The following FGFRL1 variants were observed in gnomAD, a reference collection of about 807,000 sequenced individuals.
FGFRL1 encodes fibroblast growth factor receptor like 1, also known as fibroblast growth factor receptor-like 1.
In FGFRL1, 24 loss-of-function variants were observed where a neutral mutation model predicts 36.8. The ratio of observed to expected loss-of-function variants is 0.65; its 90% CI spans 0.47 to 0.92. FGFRL1 has a LOEUF of 0.92. Among genes scored for constraint, FGFRL1 ranks in the 40% least tolerant of loss-of-function variants. The pLI is 0.00. For synonymous variants in FGFRL1, 422 were observed against 344.1 expected (o/e 1.23, Z -2.50); for missense variants, 785 against 753.4 (o/e 1.04, Z -0.49).
At chr4:1,012,961 C>T (rs981978421) in intron 2 of FGFRL1, among the ~76,000 whole-genome samples, 1 of 152,228 alleles carries the variant, frequency 6.6e-6, no homozygotes, top group Non-Finnish European at 1.5e-5. Context: ...CTGCAGAGAC[C>T]CCCACGGAAG....
chr4:1,025,603 A>C lies in FGFRL1; in HGVS notation c.*256A>C, dbSNP rs1184350750. On this transcript the variant is annotated 3_prime_UTR_variant, in exon 7 of 7. Transcript: ENST00000510644. Reference sequence around the variant, plus strand: ...CGTACGCACACACGCACATGCACAGATATGCCGCCTGGGCACACAGATAAG... The same window carrying C: ...CGTACGCACACACGCACATGCACAGCTATGCCGCCTGGGCACACAGATAAG... The C allele has an allele frequency of 1.1e-5, 6 of 554,866 alleles. No individual in the cohort carries two copies. The highest frequency in any genetic ancestry group is 1.9e-5 in the Non-Finnish European group (6 of 315,288). The allele number at this position is 554,866 out of a possible 1,614,324, so 34.4% of individuals were successfully genotyped here.
intron 2 of FGFRL1, among the ~76,000 whole-genome samples, chr4:1,014,571 A>T (rs189080790): frequency 6.6e-6 from 1 of 152,162 alleles, no homozygotes; most frequent in Non-Finnish European, 1.5e-5. Flanking sequence ...GGGGTGCCCC[A>T]TGCCTGGGGG....
At chr4:1,012,946 G>A (rs1577554582) in intron 2 of FGFRL1, among the ~76,000 whole-genome samples, 1 of 152,250 alleles carries the variant, frequency 6.6e-6, no homozygotes, top group East Asian at 1.9e-4. Context: ...AAGGACTCTG[G>A]GAACCTGCAG....
intron 2 of FGFRL1, among the ~76,000 whole-genome samples, chr4:1,017,692 A>G (rs886125428): frequency 1.3e-5 from 2 of 152,036 alleles, no homozygotes; most frequent in Non-Finnish European, 2.9e-5. Context: ...TCTTCTCCCA[A>G]CAGAGGGGTC....
At chr4:1,015,536 C>G (rs1017799503) in intron 2 of FGFRL1, among the ~76,000 whole-genome samples, 1 of 152,206 alleles carries the variant, frequency 6.6e-6, no homozygotes, top group African/African-American at 2.4e-5. Flanking sequence ...AGGTGGGTAC[C>G]AGTCCCCTTG....
intron 2 of FGFRL1, among the ~76,000 whole-genome samples, chr4:1,016,244 C>A (rs1301146851): frequency 1.3e-5 from 2 of 151,926 alleles, no homozygotes; most frequent in African/African-American, 4.8e-5. Flanking sequence ...CTTGTTGATG[C>A]TTCTGAAGTG....
chr4:1,013,734 T>C (rs573886408), intron 2 of FGFRL1, among the ~76,000 whole-genome samples: 6 of 152,270 alleles, frequency 3.9e-5, no homozygotes, highest in Non-Finnish European at 8.8e-5. Flanking sequence ...CCAGGGAGGC[T>C]CTGGAGGCCT....
intron 2 of FGFRL1, among the ~76,000 whole-genome samples, chr4:1,014,111 T>C (rs1317228748): frequency 6.6e-6 from 1 of 152,242 alleles, no homozygotes; most frequent in East Asian, 1.9e-4. Flanking sequence ...GCACCTTCGT[T>C]AGGCCAAGGA....
rs768753902 is a variant in FGFRL1, at chr4:1,025,378, G to A, written c.*31G>A. 65 of 1,515,462 alleles carry A rather than the reference G, an allele frequency of 4.3e-5. No individual in the cohort carries two copies. Among genetic ancestry groups the A allele is most frequent in the Middle Eastern group, 1.7e-4 (1 of 5,882 alleles). 93.9% of individuals were successfully genotyped at this position (1,515,462 alleles called of 1,614,324 possible). ...ACCGTATCTGCAGTGGGCACGGGGGGGCCGGCCAGACAGGCAGACTGGGAG... is the reference window on the plus strand; with the variant it reads ...ACCGTATCTGCAGTGGGCACGGGGGAGCCGGCCAGACAGGCAGACTGGGAG... On this transcript the variant is annotated 3_prime_UTR_variant, in exon 7 of 7. Transcript: ENST00000510644.
chr4:1,011,175 G>C (rs1715558483), upstream of FGFRL1: 1 of 152,222 alleles, frequency 6.6e-6, no homozygotes, highest in African/African-American at 2.4e-5. Context: ...CCAGAGAGCG[G>C]TCTGGGCCCG....
Position 1,024,405 on chromosome 4 carries a change from C to T in FGFRL1, c.813C>T (p.Arg271=). ...GGTTSFQCKV[R]SDVKPVIQWL... is the part of the protein sequence containing the mutation. ...CCACGTCCTTCCAGTGCAAGGTGCG[C>T]AGCGACGTGAAGCCGGTGATCCAGT... is the stretch of plus-strand genomic sequence containing the variant. Residue 271 remains arginine (R), a synonymous_variant, in exon 6 of 7, where the codon CGC becomes CGT. Coordinates refer to ENST00000510644, the MANE Select transcript of FGFRL1 (RefSeq NM_001004356.3). The T allele has an allele frequency of 6.2e-7, 1 of 1,612,628 alleles. No individual in the cohort carries two copies. The highest frequency in any genetic ancestry group is 2.2e-5 in the East Asian group (1 of 44,872).
rs184316949 is a variant in FGFRL1 at position 1,014,926 on chromosome 4, C to G, written c.79+2362C>G. Reference sequence around the variant, plus strand: ...CTTTGGCTGGGCCTGGAAACGCCGACCGCAGACTCCTTTATCCATTGTGCG... The same window carrying G: ...CTTTGGCTGGGCCTGGAAACGCCGAGCGCAGACTCCTTTATCCATTGTGCG... On this transcript the variant is annotated intron_variant, in intron 2 of 6. Coordinates refer to ENST00000510644, the MANE Select transcript of FGFRL1 (RefSeq NM_001004356.3). Among the ~76,000 whole-genome samples the G allele has an allele frequency of 3.5e-3, 533 of 152,358 alleles. 2 individuals are homozygous for G. The highest frequency in any genetic ancestry group is 5.9e-3 in the Non-Finnish European group (401 of 68,026).
Position 1,024,570 on chromosome 4 carries a change from C to A in FGFRL1, c.978C>A (p.Thr326=). 1 of 1,612,458 alleles carries A rather than the reference C, an allele frequency of 6.2e-7. No homozygotes were observed. The highest frequency in any genetic ancestry group is 8.5e-7 in the Non-Finnish European group (1 of 1,179,870). ...DGSYLNKLLI[T]RARQDDAGMY... Reference sequence around the variant, plus strand: ...CCTACCTCAATAAGCTGCTCATCACCCGTGCCCGCCAGGACGATGCGGGCA... The same window carrying A: ...CCTACCTCAATAAGCTGCTCATCACACGTGCCCGCCAGGACGATGCGGGCA... Residue 326 remains threonine (T), a synonymous_variant, in exon 6 of 7, where the codon ACC becomes ACA. Coordinates refer to ENST00000510644, the MANE Select transcript of FGFRL1 (RefSeq NM_001004356.3).
intron 2 of FGFRL1, among the ~76,000 whole-genome samples, chr4:1,014,868 T>TG (rs1195790571): frequency 1.3e-5 from 2 of 152,080 alleles, no homozygotes; most frequent in Non-Finnish European, 2.9e-5. Context: ...ACTGTCCCCT[T>TG]GGGGGGAGGG....
chr4:1,017,272 CTGGCCTCG>C (rs976349146), intron 2 of FGFRL1, among the ~76,000 whole-genome samples: 42 of 147,610 alleles, frequency 2.8e-4, no homozygotes, highest in African/African-American at 9.9e-4. Context: ...TCACTCCACT[CTGGCCTCG>C]TTCGGCTGCC....
rs748670076 is a variant in FGFRL1, at chr4:1,023,748, G to T, written c.433+27G>T. ...TGAGCAGGGGGTGACGGGGGTGGGG[G>T]GCGTCCGTCTGTCCCGGCCCCTTGG... is the stretch of plus-strand genomic sequence containing the variant. On this transcript the variant is annotated intron_variant, in intron 4 of 6. Transcript: ENST00000510644. This position sits in a 1 kb window ranked among gnomAD's most constrained non-coding sequence, Gnocchi z 6.0. 1.3e-6 allele frequency: 2 copies of T among 1,549,588 alleles called. No homozygotes were observed. Among genetic ancestry groups the T allele is most frequent in the Non-Finnish European group, 1.7e-6 (2 of 1,147,770 alleles).
Position 1,023,542 on chromosome 4 carries a change from C to G in FGFRL1, c.353-99C>G, listed in dbSNP as rs1716310803. 1 of 1,136,982 alleles carries G rather than the reference C, an allele frequency of 8.8e-7. No homozygotes were observed. Among genetic ancestry groups the G allele is most frequent in the Admixed American group, 2.0e-5 (1 of 49,442 alleles). The allele number at this position is 1,136,982 out of a possible 1,614,324, so 70.4% of individuals were successfully genotyped here. ...CCCTGCCTGGGTGTCCAGGGCTGTCCCGGCTGGGGCTGGGGGAGCTAGAGG... is the reference window on the plus strand; with the variant it reads ...CCCTGCCTGGGTGTCCAGGGCTGTCGCGGCTGGGGCTGGGGGAGCTAGAGG... On this transcript the variant is annotated intron_variant, in intron 3 of 6. Transcript: ENST00000510644. This position sits in a 1 kb window ranked among gnomAD's most constrained non-coding sequence, Gnocchi z 6.0.
chr4:1,022,306 C>T lies in FGFRL1; in HGVS notation c.183C>T (p.Thr61=). 6.3e-7 allele frequency: 1 copy of T among 1,598,070 alleles called. No individual in the cohort carries two copies. Among genetic ancestry groups the T allele is most frequent in the Non-Finnish European group, 8.5e-7 (1 of 1,173,416 alleles). ...TGGAGGGGGACCCGCCGCCGCTGACCATGTGGACCAAGGATGGCCGCACCA... is the reference window on the plus strand; with the variant it reads ...TGGAGGGGGACCCGCCGCCGCTGACTATGTGGACCAAGGATGGCCGCACCA... ...CPVEGDPPPL[T]MWTKDGRTIH... is the part of the protein sequence containing the mutation. Residue 61 remains threonine, a synonymous_variant, in exon 3 of 7, where the codon ACC becomes ACT. Transcript: ENST00000510644.
chr4:1,014,164 C>T (rs1715759472), intron 2 of FGFRL1, among the ~76,000 whole-genome samples: 1 of 152,170 alleles, frequency 6.6e-6, no homozygotes, highest in South Asian at 2.1e-4. Context: ...AAGCCATTTC[C>T]CGCTGGGTCA....
Sources: gnomAD v4.1 joint callset for allele counts (sites outside exome capture counted in the v4.1 genomes callset) on GRCh38, gnomAD v4.1.1 for gene constraint, Gnocchi (gnomAD v3.1) non-coding constraint, MANE v1.5 for transcripts, NCBI Gene and HGNC (gene_info 2026-07-23, HGNC 2026-07-21) for gene names.